Variants in STK24 observed in about 807,000 individuals in gnomAD.
The protein encoded by STK24 is serine/threonine-protein kinase 24.
STK24 carries 21 observed loss-of-function variants against 55.6 expected under a neutral mutation model. The ratio of observed to expected loss-of-function variants is 0.38; its 90% CI spans 0.27 to 0.54. STK24 has a LOEUF of 0.54. Ranked by LOEUF, STK24 falls within the 20% of genes least tolerant of loss-of-function variation. STK24 has a pLI of 0.79. For synonymous variants in STK24, 200 were observed against 215.2 expected, an observed-to-expected ratio of 0.93 and a Z score of 0.62; for missense variants, 383 against 538.4, an observed-to-expected ratio of 0.71 and a Z score of 2.86.
rs139490839 is a variant in STK24 at position 98,471,430 on chromosome 13, T to C, written c.597+3391A>G. On this transcript the variant is annotated intron_variant, in intron 5 of 10. Transcript: ENST00000539966. ...TCTTCAGCCCAAGACCTTTCTCTAG[T>C]GTTGAAACCGGAGGCTTCTTCGCAG... 3.9e-5 allele frequency among the ~76,000 whole-genome samples: 6 copies of C among 152,366 alleles called. No individual in the cohort carries two copies. The East Asian group carries it at 1.2e-3, about 29-fold the overall frequency.
At chr13:98,509,011 G>A (rs1895788744) in intron 2 of STK24, 1 of 152,132 alleles carries the variant, frequency 6.6e-6, no homozygotes, top group Admixed American at 6.5e-5. Context: ...GTGGCTACCA[G>A]GCCAAAACAT....
rs553429575 is a variant in STK24 at position 98,509,499 on chromosome 13, A to AG, written c.273+9743_273+9744insC. On this transcript the variant is annotated intron_variant, in intron 2 of 10. Coordinates refer to ENST00000539966, the MANE Select transcript of STK24 (RefSeq NM_001032296.4). ...CAACAGTTCCTCAAAAACAAAAAAAAAAACCAGTTCCTCAAAAGGTTAAAC... is the reference window on the plus strand; with the variant it reads ...CAACAGTTCCTCAAAAACAAAAAAAAGAAACCAGTTCCTCAAAAGGTTAAAC... Among the ~76,000 whole-genome samples, 1,090 of 152,308 alleles carry AG rather than the reference A, an allele frequency of 7.2e-3. 13 individuals carry two copies. Among genetic ancestry groups the AG allele is most frequent in the African/African-American group, 0.025 (1,025 of 41,554 alleles).
At chr13:98,460,630 C>T (rs1265212525) in intron 8 of STK24, among the ~76,000 whole-genome samples, 190 bp from the exon 9 acceptor site, 9 of 152,186 alleles carry the variant, frequency 5.9e-5, no homozygotes, top group Non-Finnish European at 1.3e-4. Context: ...TTCAAAGTTT[C>T]ATCTGCAGTG....
chr13:98,503,024 G>GTGTTTTTTTTTTTT (rs1555306356), intron 2 of STK24, among the ~76,000 whole-genome samples: 7 of 107,058 alleles, frequency 6.5e-5, no homozygotes, highest in South Asian at 3.0e-4. Context: ...CTTTCCATGT[G>GTGTTTTTTTTTTTT]TTTTTTTTTT....
In STK24 at chr13:98,446,560, G is replaced by C; in HGVS notation, c.*6613C>G. ...TCCCTTCCAGGCCCACGCCCGAGGA[G>C]GGAGCTGCCTGGGCTCCCAAGTCCC... On this transcript the variant is annotated 3_prime_UTR_variant, in exon 11 of 11. Transcript: ENST00000539966. 1 of 1,213,130 alleles carries C rather than the reference G, an allele frequency of 8.2e-7. No homozygotes were observed. The highest frequency in any genetic ancestry group is 1.2e-6 in the Non-Finnish European group (1 of 840,690). 75.1% of individuals were successfully genotyped at this position (1,213,130 alleles called of 1,614,324 possible).
intron 1 of STK24, among the ~76,000 whole-genome samples, chr13:98,531,731 T>A (rs1896584607): frequency 6.6e-6 from 1 of 152,184 alleles, no homozygotes; most frequent in African/African-American, 2.4e-5. Context: ...TCACTCGACC[T>A]TCACCCTTTG....
At position 98,451,063 on chromosome 13, in the gene STK24, T is replaced by C. The variant is rs7983438; in HGVS notation, c.*2110A>G. On this transcript the variant is annotated 3_prime_UTR_variant, in exon 11 of 11. Coordinates refer to ENST00000539966, the MANE Select transcript of STK24 (RefSeq NM_001032296.4). ...ACTCCCCGTTCATACCAGTATTCATTAGAACCCAGTCCCTCGAGCGGCTCA... is the reference window on the plus strand; with the variant it reads ...ACTCCCCGTTCATACCAGTATTCATCAGAACCCAGTCCCTCGAGCGGCTCA... 39,608 of 152,096 alleles carry C rather than the reference T, an allele frequency of 0.26. 5,316 individuals are homozygous for C. Among genetic ancestry groups the C allele is most frequent in the Non-Finnish European group, 0.3 (20,516 of 67,988 alleles). The allele number at this position is 152,096 out of a possible 1,614,324, so 9.4% of individuals were successfully genotyped here. A position where few individuals can be genotyped will look rare whatever the true frequency, so the allele number is the denominator to read the frequency against.
chr13:98,572,056 C>T (rs1897757061), intron 1 of STK24, among the ~76,000 whole-genome samples: 1 of 152,214 alleles, frequency 6.6e-6, no homozygotes, highest in Non-Finnish European at 1.5e-5. Context: ...GCTCCAGGAC[C>T]GATCTAGATC....
intron 1 of STK24, among the ~76,000 whole-genome samples, chr13:98,535,592 C>CA (rs1326915947): frequency 5.3e-5 from 8 of 152,110 alleles, no homozygotes; most frequent in Admixed American, 5.2e-4. Context: ...AAGCTCCTCC[C>CA]ACGGGAAGGC....
At chr13:98,544,722 A>G (rs966353357) in intron 1 of STK24, among the ~76,000 whole-genome samples, 4 of 152,240 alleles carry the variant, frequency 2.6e-5, no homozygotes, top group Non-Finnish European at 4.4e-5. Context: ...CAAAAGGAAA[A>G]TATTTCCGAA....
chr13:98,448,682 T>G lies in STK24; in HGVS notation c.*4491A>C, dbSNP rs191605150. ...GTGTTTTTCTTCCTAAAAAAAGTTC[T>G]TTCTTTTATTATTTTCACCTATTGG... On this transcript the variant is annotated 3_prime_UTR_variant, in exon 11 of 11. Coordinates refer to ENST00000539966, the MANE Select transcript of STK24 (RefSeq NM_001032296.4). The G allele has an allele frequency of 9.9e-5, 18 of 181,182 alleles. No homozygotes were observed. Among genetic ancestry groups the G allele is most frequent in the African/African-American group, 2.8e-4 (12 of 42,342 alleles). The allele number at this position is 181,182 out of a possible 1,614,324, so 11.2% of individuals were successfully genotyped here. A position where few individuals can be genotyped will look rare whatever the true frequency, so the allele number is the denominator to read the frequency against.
chr13:98,543,695 G>GGGGGCATCCCC (rs1896955121), intron 1 of STK24, among the ~76,000 whole-genome samples: 7 of 152,154 alleles, frequency 4.6e-5, no homozygotes, highest in Non-Finnish European at 8.8e-5. Flanking sequence ...GGATGGTGCT[G>GGGGGCATCCCC]AACTATGGTA....
chr13:98,513,793 A>T (rs1895964253), intron 2 of STK24, among the ~76,000 whole-genome samples: 1 of 152,240 alleles, frequency 6.6e-6, no homozygotes, highest in African/African-American at 2.4e-5. Flanking sequence ...AAAGACATGA[A>T]TGAGAAAGAC....
At chr13:98,456,637 G>A (rs1446421579) in intron 10 of STK24, 1 of 450,930 alleles carries the variant, frequency 2.2e-6, no homozygotes, top group Non-Finnish European at 4.6e-6. Context: ...CATTCAACAG[G>A]TGGGGCCACT....
At chr13:98,490,002 T>C (rs1005872862) in intron 2 of STK24, among the ~76,000 whole-genome samples, 4 of 152,148 alleles carry the variant, frequency 2.6e-5, no homozygotes, top group Non-Finnish European at 5.9e-5. Flanking sequence ...GTGGCACTGA[T>C]GAGCACCCAC....
intron 10 of STK24, chr13:98,454,650 G>A (rs879561714): frequency 3.3e-5 from 5 of 152,138 alleles, no homozygotes; most frequent in African/African-American, 7.2e-5. Context: ...GAGGAGAGGC[G>A]GCTCTCATTT....
chr13:98,463,409 G>C (rs553358768), intron 7 of STK24, among the ~76,000 whole-genome samples: 2 of 152,172 alleles, frequency 1.3e-5, no homozygotes, highest in African/African-American at 4.8e-5. Context: ...ATGGAAAACA[G>C]AACAGAACAG....
intron 1 of STK24, among the ~76,000 whole-genome samples, chr13:98,575,412 CACACACACACACACACATAT>C (rs1897860648): frequency 4.7e-5 from 7 of 150,168 alleles, no homozygotes; most frequent in East Asian, 3.9e-4. Flanking sequence ...TATATACACA[CACACACACACACACACATAT>C]ACACACACAC....
intron 1 of STK24, among the ~76,000 whole-genome samples, chr13:98,548,030 A>G (rs1325598723): frequency 6.6e-6 from 1 of 152,150 alleles, no homozygotes; most frequent in East Asian, 1.9e-4. Flanking sequence ...TCCAGCAGCA[A>G]ATCTACTGGA....
Sources: gnomAD v4.1 joint callset for allele counts (sites outside exome capture counted in the v4.1 genomes callset) on GRCh38, gnomAD v4.1.1 for gene constraint, MANE v1.5 for transcripts, NCBI Gene and HGNC (gene_info 2026-07-23, HGNC 2026-07-21) for gene names.